The following BRINP1 variants were observed in gnomAD, a reference collection of about 807,000 sequenced individuals.
BRINP1 encodes the protein BMP/retinoic acid-inducible neural-specific protein 1.
A neutral mutation model predicts 72.9 loss-of-function variants in BRINP1; 17 were observed. The observed-to-expected ratio is 0.23, with a 90% confidence interval of 0.16 to 0.35. The LOEUF (loss-of-function observed/expected upper bound fraction) is 0.35, where lower values mean the gene tolerates loss of function less well. Among genes scored for constraint, BRINP1 ranks in the 10% least tolerant of loss-of-function variants. The pLI is 1.00. For missense variants in BRINP1, 850 were observed against 1,001.6 expected, an observed-to-expected ratio of 0.85 and a Z score of 2.04; for synonymous variants, 418 against 378.5, an observed-to-expected ratio of 1.10 and a Z score of -1.21.
intron 1 of BRINP1, among the ~76,000 whole-genome samples, chr9:119,367,221 GATATATA>G (rs1831703132): frequency 1.0e-5 from 1 of 99,850 alleles, no homozygotes; most frequent in African/African-American, 3.9e-5. Context: ...GTGTGTGATT[GATATATA>G]TATATATATA....
chr9:119,214,221 C>A, intron 5 of BRINP1, 66 bp from the exon 6 acceptor site: 1 of 1,201,054 alleles, frequency 8.3e-7, no homozygotes, highest in Non-Finnish European at 1.2e-6. Context: ...TAACAATTTC[C>A]AAAGGTGATA....
intron 1 of BRINP1, among the ~76,000 whole-genome samples, chr9:119,317,346 C>G (rs969518412): frequency 6.6e-6 from 1 of 152,154 alleles, no homozygotes; most frequent in African/African-American, 2.4e-5. Flanking sequence ...TGGAGTAAAT[C>G]ACTGTAGATG....
rs181807275 is a variant in BRINP1 at position 119,322,032 on chromosome 9, C to A, written c.-50-8627G>T. On this transcript the variant is annotated intron_variant, in intron 1 of 7. Transcript: ENST00000265922. ...CTTAGAGCCATTGGGTTGAGCCACT[C>A]TCCTCTTGCCTCCAAAATCAACAAA... 2.6e-5 allele frequency among the ~76,000 whole-genome samples: 4 copies of A among 152,196 alleles called. No homozygotes were observed. The South Asian group carries it at 8.3e-4, about 32-fold the overall frequency.
chr9:119,167,823 A>AAGAAGGTGTCGAGGCGGATCTCGT lies in BRINP1; in HGVS notation c.1523_1546dup (p.Phe515_Phe516insTyrGluIleArgLeuAspThrPhe). 6.2e-7 allele frequency: 1 copy of AAGAAGGTGTCGAGGCGGATCTCGT among 1,614,070 alleles called. No individual in the cohort carries two copies. The highest frequency in any genetic ancestry group is 8.5e-7 in the Non-Finnish European group (1 of 1,180,024). On this transcript the variant is annotated inframe_insertion, in exon 8 of 8. Coordinates refer to ENST00000265922, the MANE Select transcript of BRINP1 (RefSeq NM_014618.3). The surrounding 1 kb of genome is among the most constrained non-coding windows in gnomAD (Gnocchi z 4.3). ...CATGCGCTTGCGCCACCGAGGGTCA[A>AAGAAGGTGTCGAGGCGGATCTCGT]AGAAGGTGTCGAGGCGGATCTCGTT...
At chr9:119,268,098 C>T (rs1189264412) in intron 2 of BRINP1, among the ~76,000 whole-genome samples, 3 of 152,044 alleles carry the variant, frequency 2.0e-5, no homozygotes, top group African/African-American at 7.2e-5. Context: ...CAAAACTTAG[C>T]TAGGCGTGGT....
At position 119,266,266 on chromosome 9, in the gene BRINP1, C is replaced by T. The variant is rs138004795; in HGVS notation, c.219-17116G>A. On this transcript the variant is annotated intron_variant, in intron 2 of 7. Coordinates refer to ENST00000265922, the MANE Select transcript of BRINP1 (RefSeq NM_014618.3). ...AAATGTCCCATGCTGTGAGTGAACG[C>T]AGAATGTTTGAAAACTACTAAGAAG... Among the ~76,000 whole-genome samples the T allele has an allele frequency of 2.8e-3, 433 of 152,106 alleles. 3 individuals are homozygous for T. Among genetic ancestry groups the T allele is most frequent in the African/African-American group, 1.0e-2 (413 of 41,492 alleles).
intron 7 of BRINP1, among the ~76,000 whole-genome samples, chr9:119,184,472 G>T (rs1829594851): frequency 6.6e-6 from 1 of 152,188 alleles, no homozygotes; most frequent in Non-Finnish European, 1.5e-5. Context: ...GATGCCCTGA[G>T]CTAGCCTGAC....
chr9:119,309,679 C>T (rs1440740453), intron 2 of BRINP1, among the ~76,000 whole-genome samples: 1 of 152,150 alleles, frequency 6.6e-6, no homozygotes, highest in African/African-American at 2.4e-5. Flanking sequence ...ATCATTATCC[C>T]TTTCTACAGA....
chr9:119,251,108 C>T (rs972671806), intron 2 of BRINP1, among the ~76,000 whole-genome samples: 1 of 152,154 alleles, frequency 6.6e-6, no homozygotes, highest in African/African-American at 2.4e-5. Flanking sequence ...AGTAAGAAAT[C>T]TCTGTCCATA....
At chr9:119,173,826 G>A (rs1296128520) in intron 7 of BRINP1, among the ~76,000 whole-genome samples, 6 of 143,474 alleles carry the variant, frequency 4.2e-5, no homozygotes, top group Non-Finnish European at 7.4e-5. Context: ...AGAGCCCTCA[G>A]AAATAATGCC....
chr9:119,303,730 A>AATC (rs1830964692), intron 2 of BRINP1, among the ~76,000 whole-genome samples: 1 of 151,996 alleles, frequency 6.6e-6, no homozygotes, highest in Non-Finnish European at 1.5e-5. Flanking sequence ...CACACCAACC[A>AATC]ATCATCCCCA....
chr9:119,258,838 C>A (rs550642994), intron 2 of BRINP1, among the ~76,000 whole-genome samples: 1 of 152,274 alleles, frequency 6.6e-6, no homozygotes, highest in Admixed American at 6.5e-5. Context: ...TATGATCATC[C>A]CCATCACAAG....
intron 7 of BRINP1, among the ~76,000 whole-genome samples, chr9:119,178,324 C>A (rs1454485863): frequency 6.6e-6 from 1 of 152,118 alleles, no homozygotes; most frequent in Admixed American, 6.5e-5. Context: ...AGAGGTAAAG[C>A]AATGTTACCA....
intron 2 of BRINP1, among the ~76,000 whole-genome samples, chr9:119,281,369 G>A (rs1369635834): frequency 6.9e-6 from 1 of 144,342 alleles, no homozygotes; most frequent in Non-Finnish European, 1.5e-5. Flanking sequence ...CTTCTCTGTA[G>A]GTCTTTTAGC....
chr9:119,269,752 C>T (rs113342155), intron 2 of BRINP1, among the ~76,000 whole-genome samples: 3,298 of 152,180 alleles, frequency 0.022, 90 homozygotes, highest in African/African-American at 0.073. Context: ...CTTGCTTTCA[C>T]ATGATTCATT....
intron 2 of BRINP1, among the ~76,000 whole-genome samples, chr9:119,273,417 G>A (rs1201595504): frequency 6.6e-6 from 1 of 152,140 alleles, no homozygotes; most frequent in Non-Finnish European, 1.5e-5. Context: ...CAGAATCTCG[G>A]CTGGGTTTCA....
intron 2 of BRINP1, among the ~76,000 whole-genome samples, chr9:119,286,493 C>T (rs1478658385): frequency 6.6e-6 from 1 of 152,206 alleles, no homozygotes; most frequent in Non-Finnish European, 1.5e-5. Flanking sequence ...CTCGGCCTCC[C>T]AAAGTGATGG....
At chr9:119,196,188 G>A (rs1564214383) in intron 7 of BRINP1, among the ~76,000 whole-genome samples, 1 of 152,116 alleles carries the variant, frequency 6.6e-6, no homozygotes, top group Non-Finnish European at 1.5e-5. Flanking sequence ...AGTCTGGTAT[G>A]GCGCTTAGAC....
chr9:119,247,135 G>GA (rs1436478269), intron 3 of BRINP1, among the ~76,000 whole-genome samples: 2 of 152,214 alleles, frequency 1.3e-5, no homozygotes, highest in Non-Finnish European at 2.9e-5. Context: ...ACCCCCAAGT[G>GA]AAATGGAGGG....
Sources: gnomAD v4.1 joint callset for allele counts (sites outside exome capture counted in the v4.1 genomes callset) on GRCh38, gnomAD v4.1.1 for gene constraint, Gnocchi (gnomAD v3.1) non-coding constraint, MANE v1.5 for transcripts, NCBI Gene and HGNC (gene_info 2026-07-23, HGNC 2026-07-21) for gene names.